Variants in CHRM3 observed in about 807,000 individuals in gnomAD.
CHRM3 encodes cholinergic receptor muscarinic 3, also known as muscarinic acetylcholine receptor M3.
A neutral mutation model predicts 41.8 loss-of-function variants in CHRM3; 11 were observed. The ratio of observed to expected loss-of-function variants is 0.26; its 90% CI spans 0.17 to 0.44. The LOEUF (loss-of-function observed/expected upper bound fraction) is 0.44, where lower values mean the gene tolerates loss of function less well. CHRM3 is among the 20% of genes least tolerant of loss of function. CHRM3 has a pLI of 1.00. For synonymous variants in CHRM3, 297 were observed against 301.4 expected, an observed-to-expected ratio of 0.99 and a Z score of 0.15; for missense variants, 571 against 745.4, an observed-to-expected ratio of 0.77 and a Z score of 2.72.
intron 6 of CHRM3, among the ~76,000 whole-genome samples, chr1:239,872,099 G>A (rs757891354): frequency 1.2e-4 from 19 of 152,218 alleles, no homozygotes; most frequent in Non-Finnish European, 2.5e-4. Context: ...GCAGGTGAAA[G>A]GTAGGTGAGG....
chr1:239,694,367 C>T (rs1433486143), intron 5 of CHRM3, among the ~76,000 whole-genome samples: 3 of 152,204 alleles, frequency 2.0e-5, no homozygotes, highest in Non-Finnish European at 4.4e-5. Flanking sequence ...CTAGGGAGCT[C>T]ATCCATTTCA....
chr1:239,699,758 C>G (rs1660514892), intron 5 of CHRM3, among the ~76,000 whole-genome samples: 1 of 152,096 alleles, frequency 6.6e-6, no homozygotes, highest in African/African-American at 2.4e-5. Flanking sequence ...AACATGGAAA[C>G]ACTGACTAAA....
chr1:239,526,035 A>C (rs934597967), intron 2 of CHRM3, among the ~76,000 whole-genome samples: 5 of 152,186 alleles, frequency 3.3e-5, no homozygotes, highest in African/African-American at 4.8e-5. Flanking sequence ...TTGATCATGG[A>C]GTCTCAGCTG....
intron 5 of CHRM3, among the ~76,000 whole-genome samples, chr1:239,776,221 T>G (rs1010314389): frequency 6.6e-6 from 1 of 152,212 alleles, no homozygotes. Flanking sequence ...TGGATTTGAA[T>G]ACAGCCTCCA....
rs150299571 is a variant in CHRM3, at chr1:239,721,412, G to A, written c.-147+43124G>A. On this transcript the variant is annotated intron_variant, in intron 5 of 6. Transcript: ENST00000676153. ...GAGAAACAAGAAAATGATAGGCATG[G>A]TATTAAATCTTAGGTATGGCAATTC... is the stretch of plus-strand genomic sequence containing the variant. Among the ~76,000 whole-genome samples the A allele has an allele frequency of 4.8e-4, 73 of 151,904 alleles. 2 individuals carry two copies. The East Asian group carries it at 0.011, about 23-fold the overall frequency.
intron 1 of CHRM3, among the ~76,000 whole-genome samples, chr1:239,434,230 T>C (rs1365350722): frequency 1.3e-5 from 2 of 152,222 alleles, no homozygotes; most frequent in Admixed American, 1.3e-4. Flanking sequence ...GCCTGATAAC[T>C]TCTGTACTCT....
intron 3 of CHRM3, among the ~76,000 whole-genome samples, chr1:239,581,141 T>C (rs1168514541): frequency 6.6e-6 from 1 of 152,142 alleles, no homozygotes; most frequent in Non-Finnish European, 1.5e-5. Flanking sequence ...TCGTGGACCC[T>C]GTACTCTTAT....
At chr1:239,502,190 A>T (rs1668286628) in intron 2 of CHRM3, among the ~76,000 whole-genome samples, 1 of 152,220 alleles carries the variant, frequency 6.6e-6, no homozygotes, top group South Asian at 2.1e-4. Context: ...AATTATCAAG[A>T]TTAACCAAGA....
chr1:239,542,080 T>A (rs1481238386), intron 2 of CHRM3, among the ~76,000 whole-genome samples: 1 of 152,134 alleles, frequency 6.6e-6, no homozygotes, highest in Non-Finnish European at 1.5e-5. Context: ...TAAAAAACCA[T>A]GTCTGTCTTC....
chr1:239,494,815 G>C (rs1667777671), intron 2 of CHRM3, among the ~76,000 whole-genome samples: 1 of 152,106 alleles, frequency 6.6e-6, no homozygotes, highest in African/African-American at 2.4e-5. Context: ...TTCTGTTCCT[G>C]CATTAGTTTG....
chr1:239,443,130 C>T (rs928805030), intron 1 of CHRM3, among the ~76,000 whole-genome samples: 11 of 152,112 alleles, frequency 7.2e-5, no homozygotes, highest in African/African-American at 2.4e-4. Context: ...TAGTGAATTA[C>T]AAAAGTCTGA....
At chr1:239,708,966 A>G (rs1572053322) in intron 5 of CHRM3, among the ~76,000 whole-genome samples, 1 of 152,050 alleles carries the variant, frequency 6.6e-6, no homozygotes, top group South Asian at 2.1e-4. Flanking sequence ...TTTAGGGGGT[A>G]AAAGCTTTCA....
intron 5 of CHRM3, among the ~76,000 whole-genome samples, chr1:239,757,678 G>A (rs866079349): frequency 2.0e-5 from 3 of 151,490 alleles, no homozygotes; most frequent in Admixed American, 6.6e-5. Context: ...TGTCTGAATC[G>A]TATATTTTTT....
In CHRM3 at chr1:239,914,305, C is replaced by A. The variant is rs1348542241; in HGVS notation, c.*5081C>A. The A allele has an allele frequency of 1.2e-5, 2 of 167,024 alleles. No homozygotes were observed. Among genetic ancestry groups the A allele is most frequent in the Admixed American group, 6.5e-5 (1 of 15,278 alleles). The allele number at this position is 167,024 out of a possible 1,614,324, so 10.3% of individuals were successfully genotyped here. A position where few individuals can be genotyped will look rare whatever the true frequency, so the allele number is the denominator to read the frequency against. On this transcript the variant is annotated 3_prime_UTR_variant, in exon 7 of 7. Transcript: ENST00000676153. ...ATCCTGTGGCTCACACAGAATCTGGCAAATTGCATATATTCAATAAATGTT... is the reference window on the plus strand; with the variant it reads ...ATCCTGTGGCTCACACAGAATCTGGAAAATTGCATATATTCAATAAATGTT...
chr1:239,841,542 G>T (rs1238706848), intron 6 of CHRM3, among the ~76,000 whole-genome samples: 2 of 152,098 alleles, frequency 1.3e-5, no homozygotes, highest in Non-Finnish European at 2.9e-5. Context: ...TTGTTTTTCT[G>T]CCATGAAAAG....
chr1:239,648,290 G>A (rs1018312907), intron 4 of CHRM3, among the ~76,000 whole-genome samples: 1 of 152,060 alleles, frequency 6.6e-6, no homozygotes. Context: ...TTTTCCCCAA[G>A]TCTAAGTTTA....
intron 3 of CHRM3, among the ~76,000 whole-genome samples, chr1:239,613,792 T>A (rs1667324811): frequency 6.6e-6 from 1 of 151,892 alleles, no homozygotes; most frequent in Non-Finnish European, 1.5e-5. Context: ...CTGTTTCCTC[T>A]CACATACACT....
intron 5 of CHRM3, among the ~76,000 whole-genome samples, chr1:239,800,402 G>A (rs561558248): frequency 6.6e-6 from 1 of 152,306 alleles, no homozygotes; most frequent in African/African-American, 2.4e-5. Flanking sequence ...ACAGTGCCAG[G>A]CTCCCATTAG....
chr1:239,668,133 C>G (rs564295941), intron 4 of CHRM3, among the ~76,000 whole-genome samples: 63 of 97,010 alleles, frequency 6.5e-4, no homozygotes, highest in African/African-American at 2.5e-3. Flanking sequence ...GAGTCTTGCT[C>G]TGTTGCCCAG....
Sources: allele counts gnomAD v4.1 joint callset (sites outside exome capture counted in the v4.1 genomes callset), GRCh38; gene constraint gnomAD v4.1.1; transcripts MANE v1.5; gene names NCBI Gene and HGNC (gene_info 2026-07-23, HGNC 2026-07-21).